Variants in TLK1 observed in about 807,000 individuals in gnomAD.
TLK1 encodes serine/threonine-protein kinase tousled-like 1.
A neutral mutation model predicts 105.3 loss-of-function variants in TLK1; 24 were observed. The ratio of observed to expected loss-of-function variants is 0.23; its 90% CI spans 0.17 to 0.32. The LOEUF is 0.32. Ranked by LOEUF, TLK1 falls within the 10% of genes least tolerant of loss-of-function variation. The pLI, the probability that TLK1 is intolerant of heterozygous loss-of-function variation, is 1.00. For missense variants in TLK1, 558 were observed against 910.5 expected (o/e 0.61, Z 4.98); for synonymous variants, 321 against 310.4 (o/e 1.03, Z -0.36).
At chr2:171,170,721 G>C (rs189105326) in intron 1 of TLK1, among the ~76,000 whole-genome samples, 4 of 152,350 alleles carry the variant, frequency 2.6e-5, no homozygotes, top group Admixed American at 2.6e-4. Flanking sequence ...TGCATGTAGA[G>C]AAATAAACCT....
chr2:171,227,661 T>C (rs955795860), intron 1 of TLK1, among the ~76,000 whole-genome samples: 1 of 134,056 alleles, frequency 7.5e-6, no homozygotes, highest in Non-Finnish European at 1.6e-5. Flanking sequence ...TCACTCCCCA[T>C]TTTAGAACAG....
rs78502848 is a variant in TLK1, at chr2:171,034,050, A to C, written c.1170-5645T>G. Among the ~76,000 whole-genome samples, 332 of 152,298 alleles carry C rather than the reference A, an allele frequency of 2.2e-3. 1 individual carries two copies. The highest frequency in any genetic ancestry group is 7.5e-3 in the African/African-American group (311 of 41,566). On this transcript the variant is annotated intron_variant, in intron 11 of 20. Transcript: ENST00000431350. Reference sequence around the variant, plus strand: ...AACATTAAGTCATTAGGGAAATGCAAATCAAAATTACCGTGAGATATCACT... The same window carrying C: ...AACATTAAGTCATTAGGGAAATGCACATCAAAATTACCGTGAGATATCACT...
chr2:171,228,567 T>C (rs907320653), intron 1 of TLK1, among the ~76,000 whole-genome samples: 1 of 152,172 alleles, frequency 6.6e-6, no homozygotes, highest in Non-Finnish European at 1.5e-5. Context: ...AACCCAAAGA[T>C]AAATAATATT....
intron 1 of TLK1, among the ~76,000 whole-genome samples, chr2:171,149,398 A>G (rs1304439705): frequency 1.3e-5 from 2 of 152,198 alleles, no homozygotes; most frequent in African/African-American, 4.8e-5. Flanking sequence ...TGAGAGGTTA[A>G]GTAACTTAGT....
intron 1 of TLK1, among the ~76,000 whole-genome samples, chr2:171,145,251 T>C (rs181245689): frequency 2.0e-5 from 3 of 151,832 alleles, no homozygotes; most frequent in East Asian, 3.9e-4. Flanking sequence ...GAGGTTGCAG[T>C]GAGCCGAGAT....
intron 3 of TLK1, chr2:171,081,715 A>C: frequency 7.7e-7 from 1 of 1,304,226 alleles, no homozygotes; most frequent in Non-Finnish European, 1.0e-6. Flanking sequence ...GTTTCTGTGG[A>C]AGGGAAAGCC....
At chr2:171,178,034 G>C (rs1325054831) in intron 1 of TLK1, among the ~76,000 whole-genome samples, 2 of 152,126 alleles carry the variant, frequency 1.3e-5, no homozygotes, top group African/African-American at 4.8e-5. Context: ...CCGACCTCAG[G>C]TGATCCACCC....
intron 2 of TLK1, among the ~76,000 whole-genome samples, chr2:171,111,315 G>C (rs1218862292): frequency 6.6e-6 from 1 of 152,306 alleles, no homozygotes; most frequent in East Asian, 1.9e-4. Flanking sequence ...GCTCACACCT[G>C]TAATTCCATC....
intron 3 of TLK1, among the ~76,000 whole-genome samples, chr2:171,076,243 A>T (rs1326688718): frequency 6.6e-6 from 1 of 151,536 alleles, no homozygotes. Context: ...AAAAAGAGGT[A>T]GGGGCCTCAT....
chr2:171,211,289 C>A (rs1236815659), intron 1 of TLK1, among the ~76,000 whole-genome samples: 4 of 152,138 alleles, frequency 2.6e-5, no homozygotes, highest in African/African-American at 9.7e-5. Context: ...TTTCTATAAC[C>A]GGTTTGGGTT....
chr2:171,123,689 T>C (rs1263830299), intron 1 of TLK1, among the ~76,000 whole-genome samples: 2 of 152,160 alleles, frequency 1.3e-5, no homozygotes, highest in African/African-American at 2.4e-5. Flanking sequence ...TATGCACCTA[T>C]GGTCGCAGCT....
At chr2:171,166,751 A>G (rs1692616928) in intron 1 of TLK1, among the ~76,000 whole-genome samples, 2 of 152,202 alleles carry the variant, frequency 1.3e-5, no homozygotes, top group East Asian at 1.9e-4. Context: ...TCTTGCTGCT[A>G]TGCACCAGGA....
intron 1 of TLK1, among the ~76,000 whole-genome samples, chr2:171,122,608 A>G (rs1690697735): frequency 6.6e-6 from 1 of 152,178 alleles, no homozygotes. Flanking sequence ...AACAGGCAAA[A>G]TCATATAGAT....
At chr2:171,071,238 T>C (rs904024300) in intron 3 of TLK1, among the ~76,000 whole-genome samples, 3 of 152,148 alleles carry the variant, frequency 2.0e-5, no homozygotes, top group Non-Finnish European at 4.4e-5. Context: ...CCTCGCTTTG[T>C]TGATTGTTTT....
chr2:171,061,012 T>G, intron 4 of TLK1, 69 bp downstream of exon 4: 1 of 1,438,538 alleles, frequency 7.0e-7, no homozygotes, highest in South Asian at 1.2e-5. Flanking sequence ...AGAGTATTAA[T>G]TGGTTAAAAA....
intron 1 of TLK1, among the ~76,000 whole-genome samples, chr2:171,224,422 G>C (rs1280873206): frequency 6.6e-6 from 1 of 151,518 alleles, no homozygotes; most frequent in Non-Finnish European, 1.5e-5. Context: ...GATTATTCTG[G>C]GTCTTTAAAT....
intron 19 of TLK1, 72 bp downstream of exon 19, chr2:170,997,640 T>A: frequency 1.1e-6 from 1 of 902,232 alleles, no homozygotes; most frequent in Non-Finnish European, 1.6e-6. Flanking sequence ...TTAGTGAAAT[T>A]TTGCTTTTAA....
At chr2:171,098,589 T>C (rs1217764262) in intron 2 of TLK1, among the ~76,000 whole-genome samples, 1 of 152,012 alleles carries the variant, frequency 6.6e-6, no homozygotes, top group African/African-American at 2.4e-5. Context: ...CACAAACTCT[T>C]CCAAAGAACA....
chr2:171,127,065 C>G (rs1406988821), intron 1 of TLK1, among the ~76,000 whole-genome samples: 2 of 151,828 alleles, frequency 1.3e-5, no homozygotes, highest in African/African-American at 4.8e-5. Flanking sequence ...CACCTGAGGT[C>G]AGGAGATCAA....
Sources: gnomAD v4.1 joint callset for allele counts (sites outside exome capture counted in the v4.1 genomes callset) on GRCh38, gnomAD v4.1.1 for gene constraint, MANE v1.5 for transcripts, NCBI Gene and HGNC (gene_info 2026-07-23, HGNC 2026-07-21) for gene names.